HSF4: variants seen among roughly 807,000 people sequenced by gnomAD.
HSF4 encodes the protein heat shock transcription factor 4.
In HSF4, 41 loss-of-function variants were observed where a neutral mutation model predicts 52.0. The ratio of observed to expected loss-of-function variants is 0.79; its 90% CI spans 0.61 to 1.02. The LOEUF is 1.02. HSF4 is among the 50% of genes least tolerant of loss of function. The pLI is 0.00. For missense variants in HSF4, 610 were observed against 651.1 expected, an observed-to-expected ratio of 0.94 and a Z score of 0.69; for synonymous variants, 285 against 273.0, an observed-to-expected ratio of 1.04 and a Z score of -0.43.
intron 9 of HSF4, 63 bp downstream of exon 9, chr16:67,168,010 G>C: frequency 7.5e-7 from 1 of 1,327,670 alleles, no homozygotes; most frequent in Non-Finnish European, 1.0e-6. Context: ...AGCCCACAAA[G>C]CTTCCTAGCC....
intron 7 of HSF4, 96 bp from the exon 8 acceptor site, chr16:67,167,379 C>A (rs765855158): frequency 1.2e-6 from 2 of 1,611,546 alleles, no homozygotes; most frequent in East Asian, 2.2e-5. Flanking sequence ...CTCCCTCAAA[C>A]CTTCTCCCTT....
In HSF4 at chr16:67,167,913, C is replaced by T. The variant is rs923097847; in HGVS notation, c.1048C>T (p.Pro350Ser). 6.2e-6 allele frequency: 10 copies of T among 1,601,914 alleles called. No homozygotes were observed. The highest frequency in any genetic ancestry group is 1.7e-5 in the Admixed American group (1 of 59,170). ...SPEGPRNAQQ[P>S]EPGDPREIPD... Reference sequence around the variant, plus strand: ...CGAGGGGCCCAGGAATGCCCAACAGCCTGAACCAGGGGATCCCAGGGAGAT... The same window carrying T: ...CGAGGGGCCCAGGAATGCCCAACAGTCTGAACCAGGGGATCCCAGGGAGAT... The change falls in exon 9 of 13, where the codon CCT becomes TCT. Residue 350 changes from proline to serine, a missense_variant. Pro to Ser is a moderately conservative substitution (Grantham distance 74). Transcript: ENST00000521374.
chr16:67,167,950 G>A lies in HSF4; in HGVS notation c.1082+3G>A. On this transcript the variant is annotated splice_donor_region_variant and intron_variant, in intron 9 of 12. Coordinates refer to ENST00000521374, the MANE Select transcript of HSF4 (RefSeq NM_001374675.1). ...GATCCCAGGGAGATACCTGACAGGT[G>A]AGCAGAGCCCCAGCTGGCCCATGAG... 6.3e-7 allele frequency: 1 copy of A among 1,583,216 alleles called. No homozygotes were observed. The highest frequency in any genetic ancestry group is 2.3e-5 in the East Asian group (1 of 44,088).
chr16:67,165,349 G>A lies in HSF4; in HGVS notation c.124-173G>A, dbSNP rs2031174632. ...ACTCACTGTGGTCGCTCCAGGCTAG[G>A]CCTCGGAGCCCGTTCTGGCCTGGCC... On this transcript the variant is annotated intron_variant, in intron 1 of 12. Coordinates refer to ENST00000521374, the MANE Select transcript of HSF4 (RefSeq NM_001374675.1). This position sits in a 1 kb window ranked among gnomAD's most constrained non-coding sequence, Gnocchi z 6.9. 1 of 654,776 alleles carries A rather than the reference G, an allele frequency of 1.5e-6. No individual in the cohort carries two copies. The allele number at this position is 654,776 out of a possible 1,614,324, so 40.6% of individuals were successfully genotyped here.
chr16:67,169,460 A>G lies in HSF4; in HGVS notation c.1324+112A>G, dbSNP rs2031584393. 6.4e-7 allele frequency: 1 copy of G among 1,568,836 alleles called. No homozygotes were observed. Among genetic ancestry groups the G allele is most frequent in the Non-Finnish European group, 8.6e-7 (1 of 1,159,256 alleles). On this transcript the variant is annotated intron_variant, in intron 12 of 12. Transcript: ENST00000521374. The surrounding 1 kb of genome is among the most constrained non-coding windows in gnomAD (Gnocchi z 4.3). ...CAGGGAAATCCTGAGTTCAGGCTGC[A>G]CTGCAGAGCGTTCCTTGAGCCACCC...
upstream of HSF4, chr16:67,163,987 C>T: frequency 1.0e-6 from 1 of 988,556 alleles, no homozygotes; most frequent in Non-Finnish European, 1.5e-6. Flanking sequence ...CCTGGGCGCC[C>T]TGAGACCACT....
rs571185500 is a variant in HSF4, at chr16:67,165,292, A to G, written c.124-230A>G. ...GTCAGCCTCTCCTTTCTGAGAACTG[A>G]GTATGGAGTCAGGGTCTGGCTGGGG... On this transcript the variant is annotated intron_variant, in intron 1 of 12. Transcript: ENST00000521374. This position sits in a 1 kb window ranked among gnomAD's most constrained non-coding sequence, Gnocchi z 6.9. 4 of 602,368 alleles carry G rather than the reference A, an allele frequency of 6.6e-6. No homozygotes were observed. The highest frequency in any genetic ancestry group is 1.2e-5 in the Non-Finnish European group (4 of 339,078). The allele number at this position is 602,368 out of a possible 1,614,324, so 37.3% of individuals were successfully genotyped here. A position where few individuals can be genotyped will look rare whatever the true frequency, so the allele number is the denominator to read the frequency against.
chr16:67,167,168 C>T lies in HSF4; in HGVS notation c.675C>T (p.Phe225=). 2 of 1,614,196 alleles carry T rather than the reference C, an allele frequency of 1.2e-6. No homozygotes were observed. Among genetic ancestry groups the T allele is most frequent in the South Asian group, 2.2e-5 (2 of 91,084 alleles). Residue 225 remains phenylalanine (F), a synonymous_variant, in exon 7 of 13, where the codon TTC becomes TTT. Transcript: ENST00000521374. ...EGSSCPTPAK[F]NTCPLPGALL... ...GCTCATGCCCAACACCTGCCAAGTT[C>T]AACACCTGCCCTCTACCTGGTGCCC...
At position 67,165,366 on chromosome 16, in the gene HSF4, G is replaced by A; in HGVS notation, c.124-156G>A. The stretch of plus-strand genomic sequence containing the variant: ...CAGGCTAGGCCTCGGAGCCCGTTCT[G>A]GCCTGGCCTCGACCCATATCCCCGT... On this transcript the variant is annotated intron_variant, in intron 1 of 12. Coordinates refer to ENST00000521374, the MANE Select transcript of HSF4 (RefSeq NM_001374675.1). The surrounding 1 kb of genome is among the most constrained non-coding windows in gnomAD (Gnocchi z 6.9). 1 of 713,750 alleles carries A rather than the reference G, an allele frequency of 1.4e-6. No homozygotes were observed. The highest frequency in any genetic ancestry group is 1.6e-5 in the South Asian group (1 of 63,700). 44.2% of individuals were successfully genotyped at this position (713,750 alleles called of 1,614,324 possible).
Position 67,165,703 on chromosome 16 carries a change from A to T in HSF4, c.233-16A>T, listed in dbSNP as rs766182306. The T allele has an allele frequency of 6.2e-7, 1 of 1,611,842 alleles. No individual in the cohort carries two copies. The highest frequency in any genetic ancestry group is 8.5e-7 in the Non-Finnish European group (1 of 1,179,748). ...CGGGGATGGGGCGACCCACGCCCCC[A>T]CGCCCCACTCCCCAGACGGTTTTCG... On this transcript the variant is annotated splice_polypyrimidine_tract_variant and intron_variant, in intron 2 of 12. Coordinates refer to ENST00000521374, the MANE Select transcript of HSF4 (RefSeq NM_001374675.1). This position sits in a 1 kb window ranked among gnomAD's most constrained non-coding sequence, Gnocchi z 6.9.
chr16:67,167,899 G>A lies in HSF4; in HGVS notation c.1034G>A (p.Arg345Lys), dbSNP rs200737000. 1 of 1,605,272 alleles carries A rather than the reference G, an allele frequency of 6.2e-7. No individual in the cohort carries two copies. The highest frequency in any genetic ancestry group is 1.3e-5 in the African/African-American group (1 of 74,980). ...GGGAGCTTCAGCCCCGAGGGGCCCA[G>A]GAATGCCCAACAGCCTGAACCAGGG... ...GKGSFSPEGP[R>K]NAQQPEPGDP... The change falls in exon 9 of 13, where the codon AGG (arginine) becomes AAG (lysine). Residue 345 changes from arginine (R) to lysine (K), a missense_variant. Physicochemically the swap from Arg to Lys is conservative, Grantham distance 26. Coordinates refer to ENST00000521374, the MANE Select transcript of HSF4 (RefSeq NM_001374675.1).
chr16:67,164,570 T>TCCACC (rs1180583323), upstream of HSF4: 301 of 186,892 alleles, frequency 1.6e-3, 2 homozygotes, highest in African/African-American at 0.016. Context: ...CCCACCCCAC[T>TCCACC]CCACCCCACC....
intron 6 of HSF4, 140 bp from the exon 7 acceptor site, chr16:67,166,980 C>A: frequency 8.6e-7 from 1 of 1,168,372 alleles, no homozygotes; most frequent in African/African-American, 1.5e-5. Flanking sequence ...CCACCTCCAG[C>A]ATGTGACTGA....
intron 6 of HSF4, 113 bp from the exon 7 acceptor site, chr16:67,167,007 C>T (rs2031352404): frequency 1.4e-6 from 2 of 1,451,748 alleles, no homozygotes; most frequent in Admixed American, 1.7e-5. Context: ...AGCAACAGGC[C>T]TCAGCTCTGC....
At position 67,165,436 on chromosome 16, in the gene HSF4, C is replaced by T. The variant is rs2031185127; in HGVS notation, c.124-86C>T. ...AAGAGTGAGCATGAGTGTGTGCGCG[C>T]GCTGGAGCGCAGGACTGGCCGTGAG... is the stretch of plus-strand genomic sequence containing the variant. On this transcript the variant is annotated intron_variant, in intron 1 of 12. Transcript: ENST00000521374. The surrounding 1 kb of genome is among the most constrained non-coding windows in gnomAD (Gnocchi z 6.9). 1.6e-6 allele frequency: 2 copies of T among 1,225,694 alleles called. No homozygotes were observed. Among genetic ancestry groups the T allele is most frequent in the South Asian group, 1.2e-5 (1 of 83,144 alleles). The allele number at this position is 1,225,694 out of a possible 1,614,324, so 75.9% of individuals were successfully genotyped here. A position where few individuals can be genotyped will look rare whatever the true frequency, so the allele number is the denominator to read the frequency against.
intron 6 of HSF4, 113 bp from the exon 7 acceptor site, chr16:67,167,007 C>A: frequency 6.9e-7 from 1 of 1,451,746 alleles, no homozygotes; most frequent in Non-Finnish European, 9.6e-7. Context: ...AGCAACAGGC[C>A]TCAGCTCTGC....
chr16:67,165,853 G>T lies in HSF4; in HGVS notation c.360+7G>T. 6.2e-7 allele frequency: 1 copy of T among 1,601,388 alleles called. No homozygotes were observed. The highest frequency in any genetic ancestry group is 1.1e-5 in the South Asian group (1 of 90,952). On this transcript the variant is annotated splice_region_variant and intron_variant, in intron 3 of 12. Transcript: ENST00000521374. This position sits in a 1 kb window ranked among gnomAD's most constrained non-coding sequence, Gnocchi z 6.9. ...GGAGCGCGTGCGGCGCAAGGTGGGG[G>T]CGGCCTGCGGGAATGAGCAAAGAGG...
Position 67,169,047 on chromosome 16 carries a change from C to T in HSF4, c.1200C>T (p.Pro400=). The T allele has an allele frequency of 6.2e-7, 1 of 1,613,922 alleles. No homozygotes were observed. Among genetic ancestry groups the T allele is most frequent in the Non-Finnish European group, 8.5e-7 (1 of 1,180,022 alleles). ...AGAGCTCTCCTCAGGTGCTGGGCCC[C>T]AGTCTCCAAGGGCGAGAATGGACCC... is the stretch of plus-strand genomic sequence containing the variant. ...EPAGPLDVLG[P]SLQGREWTLM... is the part of the protein sequence containing the mutation. Residue 400 remains proline, a synonymous_variant, in exon 11 of 13, where the codon CCC becomes CCT. Transcript: ENST00000521374. The surrounding 1 kb of genome is among the most constrained non-coding windows in gnomAD (Gnocchi z 4.3).
In HSF4 at chr16:67,169,066, T is replaced by G; in HGVS notation, c.1219T>G (p.Trp407Gly). 6.2e-7 allele frequency: 1 copy of G among 1,613,718 alleles called. No homozygotes were observed. The highest frequency in any genetic ancestry group is 8.5e-7 in the Non-Finnish European group (1 of 1,180,020). Residue 407 changes from tryptophan to glycine, a missense_variant, in exon 11 of 13, where the codon TGG becomes GGG. Trp to Gly is a radical substitution (Grantham distance 184). Transcript: ENST00000521374. This position sits in a 1 kb window ranked among gnomAD's most constrained non-coding sequence, Gnocchi z 4.3. ...GGGCCCCAGTCTCCAAGGGCGAGAA[T>G]GGACCCTGATGGACTTGGACATGGA... is the stretch of plus-strand genomic sequence containing the variant. The part of the protein sequence containing the change: ...VLGPSLQGRE[W>G]TLMDLDMELS...
Sources: allele counts gnomAD v4.1 joint callset, GRCh38; gene constraint gnomAD v4.1.1; non-coding constraint Gnocchi (gnomAD v3.1); transcripts MANE v1.5; gene names NCBI Gene and HGNC (gene_info 2026-07-23, HGNC 2026-07-21).